INTS13: variants seen among roughly 807,000 people sequenced by gnomAD.
The protein encoded by INTS13 is asunder, spermatogenesis regulator homolog (Drosphila).
Under a neutral mutation model 90.2 loss-of-function variants are expected in INTS13, and 35 were observed. The observed-to-expected ratio is 0.39, with a 90% CI of 0.30 to 0.51. The LOEUF is 0.51. INTS13 is among the 20% of genes least tolerant of loss of function. INTS13 has a pLI of 0.80. For missense variants in INTS13, 601 were observed against 851.2 expected, an observed-to-expected ratio of 0.71 and a Z score of 3.66; for synonymous variants, 309 against 277.1, an observed-to-expected ratio of 1.11 and a Z score of -1.14.
chr12:26,905,895 C>A (rs573270134), intron 16 of INTS13, among the ~76,000 whole-genome samples: 1 of 152,232 alleles, frequency 6.6e-6, no homozygotes, highest in South Asian at 2.1e-4. Flanking sequence ...TTTCCACCAA[C>A]AAATTAAGAG....
intron 11 of INTS13, among the ~76,000 whole-genome samples, chr12:26,915,508 AC>A: frequency 6.6e-6 from 1 of 152,310 alleles, no homozygotes; most frequent in East Asian, 1.9e-4. Context: ...TTTTACAACC[AC>A]CTCAAGAAGT....
intron 3 of INTS13, among the ~76,000 whole-genome samples, chr12:26,930,991 C>T (rs978893823): frequency 3.9e-5 from 6 of 152,064 alleles, no homozygotes; most frequent in Admixed American, 3.3e-4. Context: ...GAGTGAATTA[C>T]CTCAAAAGAA....
intron 12 of INTS13, 71 bp from the exon 13 acceptor site, chr12:26,914,199 C>T (rs1951868665): frequency 7.2e-7 from 1 of 1,382,066 alleles, no homozygotes; most frequent in Non-Finnish European, 9.7e-7. Context: ...CTAGGCAGAA[C>T]TTGATTTTCG....
At chr12:26,911,856 CT>C (rs1951785906) in intron 14 of INTS13, among the ~76,000 whole-genome samples, 1 of 152,132 alleles carries the variant, frequency 6.6e-6, no homozygotes, top group South Asian at 2.1e-4. Flanking sequence ...AATGATAGTA[CT>C]TTTTCCCTCT....
rs539186512 is a variant in INTS13 at position 26,925,511 on chromosome 12, T to C, written c.675+250A>G. On this transcript the variant is annotated intron_variant, in intron 6 of 16. Coordinates refer to ENST00000261191, the MANE Select transcript of INTS13 (RefSeq NM_018164.3). ...AAAATTTTAGGAACAATACAAACTA[T>C]GTATGGTTTGTAACACATTTTGATA... Among the ~76,000 whole-genome samples, 16 of 152,258 alleles carry C rather than the reference T, an allele frequency of 1.1e-4. 1 individual carries two copies. Among genetic ancestry groups the C allele is most frequent in the Admixed American group, 9.2e-4 (14 of 15,292 alleles).
In INTS13 at chr12:26,913,572, G is replaced by A; in HGVS notation, c.1690C>T (p.Pro564Ser). Residue 564 changes from proline to serine, a missense_variant, in exon 14 of 17, where the codon CCC (proline) becomes TCC (serine). Pro to Ser is a moderately conservative substitution (Grantham distance 74, BLOSUM62 -1). This residue lies in a region of INTS13 where 228 missense variants were observed against 272.5 expected (regional missense o/e 0.84). Transcript: ENST00000261191. ...LECLMACRSKPPEEEERKKRG... is the reference protein window; with the variant it reads ...LECLMACRSKSPEEEERKKRG... ...TTCTTTCGTTCTTCCTCTTCTGGGG[G>A]TTTGCTCCTGCATGCCATCAGACAT... 1 of 1,613,950 alleles carries A rather than the reference G, an allele frequency of 6.2e-7. No homozygotes were observed. The highest frequency in any genetic ancestry group is 8.5e-7 in the Non-Finnish European group (1 of 1,179,996).
At chr12:26,925,947 A>T in intron 5 of INTS13, 96 bp from the exon 6 acceptor site, 1 of 804,508 alleles carries the variant, frequency 1.2e-6, no homozygotes, top group Non-Finnish European at 2.0e-6. Context: ...TTAAAACATC[A>T]TATTGCTACA....
chr12:26,917,733 C>T lies in INTS13; in HGVS notation c.890G>A (p.Gly297Asp), dbSNP rs149782569. The change falls in exon 9 of 17, where the codon GGT (glycine) becomes GAT (aspartate). Residue 297 changes from glycine to aspartate, a missense_variant and splice_region_variant. By Grantham distance (94) the Gly-to-Asp change is moderately conservative. This residue lies in a region of INTS13 where 284 missense variants were observed against 387.7 expected (regional missense o/e 0.73). Coordinates refer to ENST00000261191, the MANE Select transcript of INTS13 (RefSeq NM_018164.3). ...ACTGCCGCCACCTAGATGCGAATCACCTTTAAAAATATGTCAGAGACATTA... is the reference window on the plus strand; with the variant it reads ...ACTGCCGCCACCTAGATGCGAATCATCTTTAAAAATATGTCAGAGACATTA... Reference protein sequence around the residue: ...KDAHVDFLKSGDSHLGGGSRE... With the variant: ...KDAHVDFLKSDDSHLGGGSRE... The T allele has an allele frequency of 6.2e-6, 10 of 1,608,336 alleles. No homozygotes were observed. Among genetic ancestry groups the T allele is most frequent in the Non-Finnish European group, 8.5e-6 (10 of 1,175,982 alleles).
intron 15 of INTS13, among the ~76,000 whole-genome samples, chr12:26,909,815 C>G (rs1951722913): frequency 6.6e-6 from 1 of 152,172 alleles, no homozygotes; most frequent in Admixed American, 6.5e-5. Context: ...TAACATGTAT[C>G]ACTATATACA....
intron 8 of INTS13, among the ~76,000 whole-genome samples, chr12:26,918,050 C>A (rs1325102015): frequency 6.6e-6 from 1 of 151,794 alleles, no homozygotes; most frequent in Non-Finnish European, 1.5e-5. Context: ...TGAACCTGGG[C>A]GGCAGAGGTT....
intron 7 of INTS13, among the ~76,000 whole-genome samples, chr12:26,923,644 T>C (rs956500713): frequency 8.5e-5 from 13 of 152,134 alleles, no homozygotes. Context: ...AATGTTAATA[T>C]AATGAAAATG....
At chr12:26,931,103 AAACT>A (rs1848840236) in intron 3 of INTS13, among the ~76,000 whole-genome samples, 3 of 152,046 alleles carry the variant, frequency 2.0e-5, no homozygotes, top group African/African-American at 4.8e-5. Context: ...ATTCTATTTA[AAACT>A]AACCTCGGAG....
chr12:26,922,875 C>T (rs1381636610), intron 7 of INTS13, among the ~76,000 whole-genome samples, 175 bp from the exon 8 acceptor site: 1 of 151,902 alleles, frequency 6.6e-6, no homozygotes, highest in Non-Finnish European at 1.5e-5. Flanking sequence ...AACATAAACT[C>T]CATTAAAAAA....
At chr12:26,937,413 TGAAAC>T (rs1938526946) in intron 1 of INTS13, among the ~76,000 whole-genome samples, 1 of 152,222 alleles carries the variant, frequency 6.6e-6, no homozygotes, top group South Asian at 2.1e-4. Flanking sequence ...CCTTAGCTTT[TGAAAC>T]ATCACAGTAA....
chr12:26,923,660 C>T (rs1035388726), intron 7 of INTS13, among the ~76,000 whole-genome samples: 1 of 152,098 alleles, frequency 6.6e-6, no homozygotes. Context: ...AAATGAACAG[C>T]TAGCAATAGA....
intron 1 of INTS13, among the ~76,000 whole-genome samples, chr12:26,937,283 GA>G (rs1258859438): frequency 1.3e-5 from 2 of 152,076 alleles, no homozygotes; most frequent in East Asian, 3.9e-4. Flanking sequence ...TAGGGGTGCG[GA>G]ATTAACAGGA....
intron 5 of INTS13, among the ~76,000 whole-genome samples, chr12:26,926,621 T>C (rs938146829): frequency 2.0e-5 from 3 of 152,314 alleles, no homozygotes; most frequent in Middle Eastern, 3.4e-3. Flanking sequence ...CAATCACAAA[T>C]ATACATATTG....
chr12:26,921,848 C>G (rs1036846394), intron 8 of INTS13, among the ~76,000 whole-genome samples: 1 of 152,130 alleles, frequency 6.6e-6, no homozygotes, highest in Non-Finnish European at 1.5e-5. Context: ...TAGAGACGGG[C>G]CTTCGCCATG....
intron 5 of INTS13, among the ~76,000 whole-genome samples, 181 bp from the exon 6 acceptor site, chr12:26,926,032 C>CATT (rs1220503215): frequency 1.3e-5 from 2 of 152,060 alleles, no homozygotes; most frequent in Non-Finnish European, 2.9e-5. Context: ...TGTATGAACA[C>CATT]TTAATGAGTA....
Sources: allele counts gnomAD v4.1 joint callset (sites outside exome capture counted in the v4.1 genomes callset), GRCh38; gene constraint gnomAD v4.1.1; regional missense constraint gnomAD v4.1.1; transcripts MANE v1.5; gene names NCBI Gene and HGNC (gene_info 2026-07-23, HGNC 2026-07-21).